CACNA2D1: variants seen among roughly 807,000 people sequenced by gnomAD.
The protein encoded by CACNA2D1 is voltage-dependent calcium channel subunit alpha-2/delta-1.
A neutral mutation model predicts 171.5 loss-of-function variants in CACNA2D1; 53 were observed. The observed-to-expected ratio is 0.31, with a 90% CI of 0.25 to 0.39. CACNA2D1 has a LOEUF of 0.39. Among genes scored for constraint, CACNA2D1 ranks in the 10% least tolerant of loss-of-function variants. CACNA2D1 has a pLI of 1.00. For missense variants in CACNA2D1, 903 were observed against 1,299.8 expected, an observed-to-expected ratio of 0.69 and a Z score of 4.69; for synonymous variants, 442 against 443.1, an observed-to-expected ratio of 1.00 and a Z score of 0.03.
chr7:81,946,543 C>T lies in CACNA2D1; in HGVS notation c.*3849G>A, dbSNP rs1191876978. The T allele has an allele frequency of 1.3e-5, 2 of 152,060 alleles. No homozygotes were observed. Among genetic ancestry groups the T allele is most frequent in the Non-Finnish European group, 2.9e-5 (2 of 67,998 alleles). 9.4% of individuals were successfully genotyped at this position (152,060 alleles called of 1,614,324 possible). A position where few individuals can be genotyped will look rare whatever the true frequency, so the allele number is the denominator to read the frequency against. On this transcript the variant is annotated 3_prime_UTR_variant, in exon 39 of 39. Transcript: ENST00000356860. ...ATAAATATTTTATAACAGTATTATACAAATTTTTACAAAATGTTTTTATCA... is the reference window on the plus strand; with the variant it reads ...ATAAATATTTTATAACAGTATTATATAAATTTTTACAAAATGTTTTTATCA...
intron 3 of CACNA2D1, among the ~76,000 whole-genome samples, chr7:82,265,577 T>C (rs1807736713): frequency 6.6e-6 from 1 of 152,102 alleles, no homozygotes; most frequent in Admixed American, 6.5e-5. Flanking sequence ...CAGAAGTTGA[T>C]TTAATCTGCT....
At chr7:82,090,187 T>C (rs1341344027) in intron 6 of CACNA2D1, among the ~76,000 whole-genome samples, 3 of 152,170 alleles carry the variant, frequency 2.0e-5, no homozygotes, top group African/African-American at 4.8e-5. Context: ...TATTGTTAAC[T>C]ATCCTCGCCA....
intron 6 of CACNA2D1, among the ~76,000 whole-genome samples, chr7:82,100,983 A>G (rs915149346): frequency 6.6e-6 from 1 of 152,140 alleles, no homozygotes; most frequent in Non-Finnish European, 1.5e-5. Flanking sequence ...ATATTTGGCA[A>G]TATTTCATGC....
intron 1 of CACNA2D1, among the ~76,000 whole-genome samples, chr7:82,420,450 T>C (rs1828607150): frequency 6.6e-6 from 1 of 152,188 alleles, no homozygotes; most frequent in African/African-American, 2.4e-5. Context: ...TTTCCAGTTT[T>C]CATGCATTAC....
In CACNA2D1 at chr7:82,371,416, T is replaced by TA. The variant is rs551264147; in HGVS notation, c.96-21768dup. 3.9e-5 allele frequency among the ~76,000 whole-genome samples: 6 copies of TA among 152,082 alleles called. No individual in the cohort carries two copies. In the East Asian group the frequency reaches 9.7e-4, roughly 24 times the overall value. On this transcript the variant is annotated intron_variant, in intron 1 of 38. Transcript: ENST00000356860. ...TAATTCACAAGGTTTTTGTAAGGAT[T>TA]AAAAAAAATCTTATATAGAAAATGT...
intron 3 of CACNA2D1, among the ~76,000 whole-genome samples, chr7:82,252,621 G>A (rs1458523811): frequency 6.6e-6 from 1 of 152,216 alleles, no homozygotes. Flanking sequence ...GCCGGGCGTG[G>A]TGGCTCACGC....
chr7:81,989,842 G>C (rs560372599), intron 21 of CACNA2D1, among the ~76,000 whole-genome samples: 1 of 152,288 alleles, frequency 6.6e-6, no homozygotes, highest in East Asian at 1.9e-4. Context: ...GCTAAATAAA[G>C]AAGGGCACAA....
At chr7:82,041,756 C>G (rs977496403) in intron 10 of CACNA2D1, among the ~76,000 whole-genome samples, 1 of 152,052 alleles carries the variant, frequency 6.6e-6, no homozygotes, top group African/African-American at 2.4e-5. Context: ...GTTCCATTTT[C>G]AAAACAAATA....
At chr7:82,285,903 A>G (rs1378608106) in intron 3 of CACNA2D1, among the ~76,000 whole-genome samples, 1 of 152,168 alleles carries the variant, frequency 6.6e-6, no homozygotes, top group Non-Finnish European at 1.5e-5. Context: ...TGAATGAATC[A>G]TTCTATTATT....
chr7:82,436,539 T>C (rs912510832), intron 1 of CACNA2D1, among the ~76,000 whole-genome samples: 1 of 152,182 alleles, frequency 6.6e-6, no homozygotes, highest in Non-Finnish European at 1.5e-5. Flanking sequence ...AATATTTAAG[T>C]CTCTAAAAAT....
At chr7:82,242,573 G>C (rs1014448937) in intron 3 of CACNA2D1, among the ~76,000 whole-genome samples, 3 of 152,024 alleles carry the variant, frequency 2.0e-5, no homozygotes, top group Non-Finnish European at 4.4e-5. Context: ...ACTTTTTCTT[G>C]CTCATATGCT....
intron 1 of CACNA2D1, among the ~76,000 whole-genome samples, chr7:82,372,995 G>A (rs145510996): frequency 0.045 from 6,806 of 152,220 alleles, 223 homozygotes; most frequent in Non-Finnish European, 0.061. Context: ...GACCAGCCTG[G>A]CCAACATGGT....
chr7:82,243,127 C>T (rs775621021), intron 3 of CACNA2D1, among the ~76,000 whole-genome samples: 1 of 152,012 alleles, frequency 6.6e-6, no homozygotes, highest in Non-Finnish European at 1.5e-5. Context: ...TTAAACTGAA[C>T]TGTTCTGATA....
At chr7:81,969,810 G>A in intron 28 of CACNA2D1, 71 bp downstream of exon 28, 2 of 821,290 alleles carry the variant, frequency 2.4e-6, no homozygotes, top group Non-Finnish European at 4.2e-6. Context: ...TGATTTGGGG[G>A]GAGAGCAGAT....
chr7:82,120,442 A>T (rs1789580428), intron 5 of CACNA2D1, among the ~76,000 whole-genome samples: 2 of 152,220 alleles, frequency 1.3e-5, no homozygotes. Context: ...GATATGTAAT[A>T]TGCCTTAAGG....
chr7:82,080,528 A>G (rs946854504), intron 7 of CACNA2D1, among the ~76,000 whole-genome samples: 5 of 152,214 alleles, frequency 3.3e-5, no homozygotes, highest in African/African-American at 1.2e-4. Context: ...AAAGAAATAC[A>G]AGACAATCAG....
At chr7:82,430,998 T>C (rs1463868196) in intron 1 of CACNA2D1, among the ~76,000 whole-genome samples, 5 of 152,154 alleles carry the variant, frequency 3.3e-5, no homozygotes, top group Non-Finnish European at 7.3e-5. Flanking sequence ...CTGACTGAAA[T>C]GTCACAACAA....
chr7:82,415,848 C>T (rs765851590), intron 1 of CACNA2D1, among the ~76,000 whole-genome samples: 1 of 114,790 alleles, frequency 8.7e-6, no homozygotes, highest in Non-Finnish European at 1.9e-5. Flanking sequence ...GTACACATAG[C>T]CAGTAAAAGA....
chr7:81,984,608 C>T (rs754931879), intron 22 of CACNA2D1, 27 bp downstream of exon 22: 4 of 1,295,430 alleles, frequency 3.1e-6, no homozygotes, highest in Non-Finnish European at 4.4e-6. Flanking sequence ...AACAAATGGA[C>T]CCTGAAGTCA....
Sources: allele counts gnomAD v4.1 joint callset (sites outside exome capture counted in the v4.1 genomes callset), GRCh38; gene constraint gnomAD v4.1.1; transcripts MANE v1.5; gene names NCBI Gene and HGNC (gene_info 2026-07-23, HGNC 2026-07-21).